THSD7B: variants seen among roughly 807,000 people sequenced by gnomAD.
THSD7B encodes thrombospondin type 1 domain containing 7B.
Under a neutral mutation model 213.6 loss-of-function variants are expected in THSD7B, and 138 were observed. The ratio of observed to expected loss-of-function variants is 0.65; its 90% CI spans 0.56 to 0.74. The LOEUF is 0.74. THSD7B is among the 30% of genes least tolerant of loss of function. THSD7B has a pLI of 0.00. For missense variants in THSD7B, 1,931 were observed against 1,991.5 expected (o/e 0.97, Z 0.58); for synonymous variants, 742 against 687.0 (o/e 1.08, Z -1.25).
intron 10 of THSD7B, among the ~76,000 whole-genome samples, chr2:137,261,408 C>T (rs1682445746): frequency 1.3e-5 from 2 of 152,118 alleles, no homozygotes; most frequent in Non-Finnish European, 2.9e-5. Context: ...GATGCCAAAC[C>T]CTGAACTAAC....
intron 2 of THSD7B, among the ~76,000 whole-genome samples, chr2:136,899,618 G>T (rs1195956280): frequency 6.6e-6 from 1 of 152,176 alleles, no homozygotes; most frequent in Non-Finnish European, 1.5e-5. Context: ...ATTTTAATGG[G>T]TTTATGTTAC....
chr2:137,061,178 T>G (rs1033169203), intron 3 of THSD7B, among the ~76,000 whole-genome samples: 11 of 151,878 alleles, frequency 7.2e-5, no homozygotes, highest in Non-Finnish European at 1.3e-4. Context: ...ACCGTTAACT[T>G]TTTATATTAA....
At chr2:137,160,507 C>G in intron 6 of THSD7B, 139 bp downstream of exon 6, 1 of 1,148,008 alleles carries the variant, frequency 8.7e-7, no homozygotes, top group Non-Finnish European at 1.2e-6. Flanking sequence ...TAACGGTATT[C>G]AGTTTTAGGG....
chr2:137,390,184 T>C (rs551283173), intron 12 of THSD7B, among the ~76,000 whole-genome samples: 24 of 152,298 alleles, frequency 1.6e-4, no homozygotes, highest in African/African-American at 5.8e-4. Flanking sequence ...GTCATGAGCG[T>C]GGGATGTCCT....
At chr2:136,876,753 C>A (rs1435368545) in intron 1 of THSD7B, among the ~76,000 whole-genome samples, 1 of 152,188 alleles carries the variant, frequency 6.6e-6, no homozygotes. Flanking sequence ...GCCAGCTTAC[C>A]TGGGAGCATC....
chr2:137,654,049 G>T (rs868501454), intron 21 of THSD7B, among the ~76,000 whole-genome samples: 1 of 151,834 alleles, frequency 6.6e-6, no homozygotes, highest in Non-Finnish European at 1.5e-5. Context: ...GCTTGTTTTG[G>T]TTTTTACTGG....
chr2:137,353,372 T>C (rs781529756), intron 12 of THSD7B, among the ~76,000 whole-genome samples: 2 of 152,106 alleles, frequency 1.3e-5, no homozygotes, highest in Non-Finnish European at 2.9e-5. Context: ...GAGTCAGCTA[T>C]CCACGAGGCC....
intron 10 of THSD7B, among the ~76,000 whole-genome samples, chr2:137,252,281 A>AAC (rs1682198937): frequency 6.9e-6 from 1 of 144,394 alleles, no homozygotes; most frequent in Non-Finnish European, 1.5e-5. Context: ...AAAAAAAAAA[A>AAC]AAAAAAAAAC....
intron 5 of THSD7B, among the ~76,000 whole-genome samples, chr2:137,153,853 T>G (rs985980994): frequency 3.9e-5 from 6 of 152,218 alleles, no homozygotes; most frequent in South Asian, 2.1e-4. Flanking sequence ...AAGTAGCATT[T>G]TTACATAAGT....
intron 2 of THSD7B, among the ~76,000 whole-genome samples, chr2:136,897,498 AC>A (rs899974093): frequency 3.9e-5 from 6 of 152,078 alleles, no homozygotes; most frequent in South Asian, 4.1e-4. Flanking sequence ...GAAGCCGCAG[AC>A]CCTCGTGGTG....
rs1179653948 is a variant in THSD7B at position 137,587,027 on chromosome 2, G to A, written c.3423+14471G>A. On this transcript the variant is annotated intron_variant, in intron 17 of 27. Transcript: ENST00000409968. ...TAGTCCCATATTTCTTGGAGGTTTT[G>A]TTCATTTCTTTTTACTCTTCTTTCT... is the stretch of plus-strand genomic sequence containing the variant. Among the ~76,000 whole-genome samples the A allele has an allele frequency of 5.9e-5, 9 of 152,276 alleles. 1 individual carries two copies. The South Asian group carries it at 1.9e-3, about 32-fold the overall frequency.
At chr2:137,008,151 C>A (rs1246668386) in intron 2 of THSD7B, among the ~76,000 whole-genome samples, 1 of 151,994 alleles carries the variant, frequency 6.6e-6, no homozygotes, top group African/African-American at 2.4e-5. Flanking sequence ...CAGAAAAATA[C>A]CCTCTGGCCA....
chr2:137,223,380 A>G (rs1472951772), intron 7 of THSD7B, among the ~76,000 whole-genome samples: 1 of 152,232 alleles, frequency 6.6e-6, no homozygotes, highest in African/African-American at 2.4e-5. Flanking sequence ...ATTGTTACGT[A>G]CATGTTTCTC....
intron 8 of THSD7B, 121 bp downstream of exon 8, chr2:137,231,356 C>T (rs1160672855): frequency 2.0e-6 from 2 of 980,036 alleles, no homozygotes; most frequent in Non-Finnish European, 3.0e-6. Flanking sequence ...ATCTCTATTC[C>T]CTGAATCCAG....
chr2:137,589,425 C>T (rs1272931063), intron 17 of THSD7B, among the ~76,000 whole-genome samples: 1 of 152,062 alleles, frequency 6.6e-6, no homozygotes, highest in African/African-American at 2.4e-5. Context: ...CAATTTATAT[C>T]TACATTTTTA....
At chr2:136,848,158 A>G (rs1046155144) in intron 1 of THSD7B, among the ~76,000 whole-genome samples, 7 of 152,190 alleles carry the variant, frequency 4.6e-5, no homozygotes, top group African/African-American at 1.7e-4. Flanking sequence ...CCTGTACAAC[A>G]TTGTACAGTG....
At chr2:136,803,265 A>G (rs919683079) in intron 1 of THSD7B, among the ~76,000 whole-genome samples, 1 of 152,148 alleles carries the variant, frequency 6.6e-6, no homozygotes, top group African/African-American at 2.4e-5. Flanking sequence ...GAAAAGATGG[A>G]AGAAGTGAAT....
intron 1 of THSD7B, among the ~76,000 whole-genome samples, chr2:136,869,548 G>A (rs1021201577): frequency 6.6e-6 from 1 of 152,098 alleles, no homozygotes; most frequent in Non-Finnish European, 1.5e-5. Flanking sequence ...ATTAATTAAC[G>A]ATAACAGTCG....
intron 2 of THSD7B, among the ~76,000 whole-genome samples, chr2:137,022,658 A>G (rs1387965089): frequency 2.0e-5 from 3 of 151,802 alleles, no homozygotes; most frequent in Admixed American, 6.6e-5. Context: ...TGATGTGACT[A>G]CTAGAAAATG....
Sources: gnomAD v4.1 joint callset for allele counts (sites outside exome capture counted in the v4.1 genomes callset) on GRCh38, gnomAD v4.1.1 for gene constraint, MANE v1.5 for transcripts, NCBI Gene and HGNC (gene_info 2026-07-23, HGNC 2026-07-21) for gene names.